Variants in EXOC4 observed in about 807,000 individuals in gnomAD.
EXOC4 encodes the protein SEC8-like 1.
EXOC4 carries 71 observed loss-of-function variants against 107.2 expected under a neutral mutation model. The ratio of observed to expected loss-of-function variants is 0.66; its 90% CI spans 0.55 to 0.81. The LOEUF is 0.81. Among genes scored for constraint, EXOC4 ranks in the 30% least tolerant of loss-of-function variants. The pLI, the probability that EXOC4 is intolerant of heterozygous loss-of-function variation, is 0.00. For synonymous variants in EXOC4, 456 were observed against 441.2 expected (o/e 1.03, Z -0.42); for missense variants, 1,108 against 1,189.6 (o/e 0.93, Z 1.01).
intron 13 of EXOC4, among the ~76,000 whole-genome samples, chr7:133,925,151 T>C (rs1403132554): frequency 6.6e-6 from 1 of 152,238 alleles, no homozygotes; most frequent in Non-Finnish European, 1.5e-5. Context: ...AGAGGGCTGC[T>C]TGGCACATAG....
At chr7:133,678,314 A>C (rs1378359212) in intron 10 of EXOC4, among the ~76,000 whole-genome samples, 1 of 152,178 alleles carries the variant, frequency 6.6e-6, no homozygotes, top group Non-Finnish European at 1.5e-5. Flanking sequence ...TGGTTCAATA[A>C]TTCTCAATTT....
rs185469799 is a variant in EXOC4 at position 133,489,523 on chromosome 7, C to T, written c.1417+9385C>T. ...CCTGAACGAGTACTGTACCTTAAGTCGTCCATGAGAAGGCATCTTTGTGGT... is the reference window on the plus strand; with the variant it reads ...CCTGAACGAGTACTGTACCTTAAGTTGTCCATGAGAAGGCATCTTTGTGGT... On this transcript the variant is annotated intron_variant, in intron 9 of 17. Transcript: ENST00000253861. Among the ~76,000 whole-genome samples the T allele has an allele frequency of 1.2e-3, 178 of 152,228 alleles. 1 individual carries two copies. The highest frequency in any genetic ancestry group is 0.01 in the Middle Eastern group (3 of 294).
In EXOC4 at chr7:133,500,159, A is replaced by G. The variant is rs556461408; in HGVS notation, c.1417+20021A>G. Among the ~76,000 whole-genome samples, 286 of 152,322 alleles carry G rather than the reference A, an allele frequency of 1.9e-3. 3 individuals are homozygous for G. The highest frequency in any genetic ancestry group is 6.4e-3 in the African/African-American group (268 of 41,572). ...TTTCCACTTTATTGAGATAATTTCT[A>G]TATAATCCACATTTATTTAAAATGA... On this transcript the variant is annotated intron_variant, in intron 9 of 17. Coordinates refer to ENST00000253861, the MANE Select transcript of EXOC4 (RefSeq NM_021807.4).
chr7:134,098,705 C>G, the EXOC4 span, among the ~76,000 whole-genome samples: 44 of 152,172 alleles, frequency 2.9e-4, no homozygotes, highest in African/African-American at 1.0e-3. Flanking sequence ...GGCAGGGACA[C>G]ATCACATTCA....
At chr7:134,022,145 T>A (rs1175874602) in intron 17 of EXOC4, among the ~76,000 whole-genome samples, 2 of 152,254 alleles carry the variant, frequency 1.3e-5, no homozygotes, top group African/African-American at 4.8e-5. Flanking sequence ...ATCAGTCATT[T>A]GAAGCTTCAG....
chr7:133,470,425 C>G (rs1344385226), intron 7 of EXOC4, among the ~76,000 whole-genome samples: 1 of 152,068 alleles, frequency 6.6e-6, no homozygotes, highest in African/African-American at 2.4e-5. Flanking sequence ...TCAAATATAG[C>G]AGAAGAGATG....
chr7:133,513,991 A>G (rs761447862), intron 9 of EXOC4, among the ~76,000 whole-genome samples: 2 of 152,094 alleles, frequency 1.3e-5, no homozygotes, highest in Admixed American at 6.6e-5. Flanking sequence ...GCGCTATATC[A>G]TGCTTATTAA....
At chr7:133,798,615 G>A (rs1023298173) in intron 10 of EXOC4, among the ~76,000 whole-genome samples, 29 of 152,146 alleles carry the variant, frequency 1.9e-4, no homozygotes, top group Non-Finnish European at 3.2e-4. Flanking sequence ...TACAGATTAG[G>A]AGCCTGAGTG....
intron 10 of EXOC4, among the ~76,000 whole-genome samples, chr7:133,697,452 C>T (rs1666588446): frequency 6.6e-6 from 1 of 152,088 alleles, no homozygotes. Context: ...TACAGAAAGC[C>T]ACAAAACGAG....
intron 1 of EXOC4, among the ~76,000 whole-genome samples, chr7:133,269,035 G>GA (rs757329393): frequency 1.9e-4 from 29 of 151,328 alleles, no homozygotes; most frequent in Admixed American, 3.3e-4. Flanking sequence ...AATAGGAATG[G>GA]AAAAAAAAAT....
At chr7:133,518,413 T>C (rs940283379) in intron 9 of EXOC4, among the ~76,000 whole-genome samples, 24 of 151,744 alleles carry the variant, frequency 1.6e-4, no homozygotes, top group Non-Finnish European at 3.4e-4. Flanking sequence ...TATTCATTCA[T>C]GGCCTCTCCT....
chr7:133,783,126 T>C (rs1796501772), intron 10 of EXOC4, among the ~76,000 whole-genome samples: 1 of 152,238 alleles, frequency 6.6e-6, no homozygotes, highest in Non-Finnish European at 1.5e-5. Flanking sequence ...ATGGTAGCAT[T>C]AATACGTTAT....
intron 17 of EXOC4, among the ~76,000 whole-genome samples, chr7:134,031,383 G>C (rs1795267824): frequency 6.6e-6 from 1 of 152,126 alleles, no homozygotes; most frequent in Admixed American, 6.5e-5. Context: ...TGTTCTCTCT[G>C]TTTCTCTAAA....
chr7:133,475,479 T>C lies in EXOC4; in HGVS notation c.1328+6T>C. On this transcript the variant is annotated splice_donor_region_variant and intron_variant, in intron 8 of 17. Transcript: ENST00000253861. The stretch of plus-strand genomic sequence containing the variant: ...CCAAAAAATTCTCTTTTCAAGTAAG[T>C]ATTATTCTGCTGTTAATAGGTTTTA... 6.2e-7 allele frequency: 1 copy of C among 1,613,206 alleles called. No homozygotes were observed. Among genetic ancestry groups the C allele is most frequent in the Non-Finnish European group, 8.5e-7 (1 of 1,179,430 alleles).
At chr7:133,638,679 T>C (rs370027689) in intron 10 of EXOC4, among the ~76,000 whole-genome samples, 4 of 152,242 alleles carry the variant, frequency 2.6e-5, no homozygotes, top group African/African-American at 9.6e-5. Flanking sequence ...CAGTAACTGG[T>C]ACGTACGAGT....
chr7:133,477,714 A>G (rs1799051994), intron 8 of EXOC4, among the ~76,000 whole-genome samples: 1 of 152,240 alleles, frequency 6.6e-6, no homozygotes. Context: ...GTTTAGCTTC[A>G]TAAGACACTG....
intron 11 of EXOC4, among the ~76,000 whole-genome samples, chr7:133,835,927 AC>A (rs1350166443): frequency 2.0e-5 from 3 of 152,190 alleles, no homozygotes; most frequent in Non-Finnish European, 4.4e-5. Context: ...ATGATTACTA[AC>A]CCAATTATAG....
chr7:133,370,662 A>G (rs1212190613), intron 6 of EXOC4, among the ~76,000 whole-genome samples: 1 of 152,190 alleles, frequency 6.6e-6, no homozygotes, highest in East Asian at 1.9e-4. Flanking sequence ...GTTTGCACTA[A>G]GCAGTTCCCA....
At chr7:133,652,379 TTTAA>T (rs1803180888) in intron 10 of EXOC4, among the ~76,000 whole-genome samples, 1 of 152,148 alleles carries the variant, frequency 6.6e-6, no homozygotes, top group Non-Finnish European at 1.5e-5. Context: ...ATATAAGCTA[TTTAA>T]TTGTCTTTAG....
Sources: allele counts gnomAD v4.1 joint callset (sites outside exome capture counted in the v4.1 genomes callset), GRCh38; gene constraint gnomAD v4.1.1; transcripts MANE v1.5; gene names NCBI Gene and HGNC (gene_info 2026-07-23, HGNC 2026-07-21).